The following GTF3C3 variants were observed in gnomAD, a reference collection of about 807,000 sequenced individuals.
The protein encoded by GTF3C3 is general transcription factor 3C polypeptide 3.
Under a neutral mutation model 105.2 loss-of-function variants are expected in GTF3C3, and 75 were observed. The observed-to-expected ratio is 0.71, with a 90% confidence interval of 0.59 to 0.86. The LOEUF (loss-of-function observed/expected upper bound fraction) is 0.86, where lower values mean the gene tolerates loss of function less well. Among genes scored for constraint, GTF3C3 ranks in the 40% least tolerant of loss-of-function variants. The pLI, the probability that GTF3C3 is intolerant of heterozygous loss-of-function variation, is 0.00. For synonymous variants in GTF3C3, 335 were observed against 370.4 expected (o/e 0.90, Z 1.10); for missense variants, 856 against 1,076.5 (o/e 0.80, Z 2.87).
chr2:196,780,281 C>G, intron 9 of GTF3C3: 1 of 1,015,698 alleles, frequency 9.8e-7, no homozygotes, highest in Non-Finnish European at 1.2e-6. Context: ...AGAATTATTA[C>G]CAATTATCTA....
chr2:196,790,697 T>C (rs1699531116), intron 4 of GTF3C3, among the ~76,000 whole-genome samples: 1 of 152,186 alleles, frequency 6.6e-6, no homozygotes. Context: ...AGCAGTAGCC[T>C]CAAATTACCC....
At chr2:196,788,313 G>A (rs762149332) in intron 6 of GTF3C3, among the ~76,000 whole-genome samples, 6 of 152,202 alleles carry the variant, frequency 3.9e-5, no homozygotes, top group Non-Finnish European at 5.9e-5. Flanking sequence ...GTTACTCCTA[G>A]AACAAAATAT....
rs928284014 is a variant in GTF3C3, at chr2:196,775,197, T to G, written c.1750A>C (p.Arg584=). The G allele has an allele frequency of 7.4e-6, 12 of 1,612,030 alleles. No homozygotes were observed. Among genetic ancestry groups the G allele is most frequent in the Non-Finnish European group, 1.0e-5 (12 of 1,178,608 alleles). ...GATACTTTAATAAGATAAAGATGCC[T>G]CTCTCCAGACTTGGAACTGGATATC... ...CLISSSKSGE[R]HLYLIKVSRD... The change falls in exon 13 of 18, where the codon AGG becomes CGG. Residue 584 remains arginine (R), a synonymous_variant. Coordinates refer to ENST00000263956, the MANE Select transcript of GTF3C3 (RefSeq NM_012086.5).
At chr2:196,781,353 A>ATATATATAT (rs1376220822) in intron 8 of GTF3C3, among the ~76,000 whole-genome samples, 93 of 23,064 alleles carry the variant, frequency 4.0e-3, no homozygotes, top group Non-Finnish European at 8.8e-3. Context: ...AAAAAAAAAA[A>ATATATATAT]AAAAATATAT....
At position 196,798,540 on chromosome 2, in the gene GTF3C3, A is replaced by G. The variant is rs1455990686; in HGVS notation, c.103-632T>C. ...CTCTGTCTGAAAATAAAATAAAATA[A>G]AATAAATAAAAAGATAAGTCCCTAC... is the stretch of plus-strand genomic sequence containing the variant. On this transcript the variant is annotated intron_variant, in intron 1 of 17. Transcript: ENST00000263956. 1.3e-5 allele frequency among the ~76,000 whole-genome samples: 2 copies of G among 151,756 alleles called. 1 individual carries two copies. Among genetic ancestry groups the G allele is most frequent in the Non-Finnish European group, 2.9e-5 (2 of 67,968 alleles).
intron 1 of GTF3C3, 123 bp downstream of exon 1, chr2:196,799,387 G>A (rs1699706719): frequency 1.4e-6 from 1 of 708,472 alleles, no homozygotes; most frequent in Non-Finnish European, 2.5e-6. Context: ...TGTAAGATAA[G>A]GAAGAAGCTG....
At chr2:196,771,588 AATT>A (rs1453120535) in intron 15 of GTF3C3, among the ~76,000 whole-genome samples, 157 bp downstream of exon 15, 1 of 152,240 alleles carries the variant, frequency 6.6e-6, no homozygotes, top group Non-Finnish European at 1.5e-5. Context: ...AAGTAGGTCC[AATT>A]ATTATCTCCA....
intron 13 of GTF3C3, chr2:196,773,646 A>G (rs1469742125): frequency 4.7e-6 from 2 of 427,978 alleles, no homozygotes; most frequent in Non-Finnish European, 9.4e-6. Flanking sequence ...TGTAATATAT[A>G]ATGAAATAAT....
Position 196,778,923 on chromosome 2 carries a change from G to A in GTF3C3, c.1363C>T (p.Leu455Phe). The change falls in exon 10 of 18, where the codon CTT (leucine) becomes TTT (phenylalanine). Residue 455 changes from leucine to phenylalanine, a missense_variant. By Grantham distance (22) the Leu-to-Phe change is conservative. Around this residue, in one of 3 missense-constraint regions of GTF3C3, gnomAD observed 605 missense variants for 833.6 expected, o/e 0.73. Coordinates refer to ENST00000263956, the MANE Select transcript of GTF3C3 (RefSeq NM_012086.5). ...SALVCSERYN[L>F]AVVWLRHAEC... ...GCATGACGAAGCCAAACTACTGCAA[G>A]GTTGTATCTTTCAGAGCAAACAAGA... 1.2e-6 allele frequency: 2 copies of A among 1,614,052 alleles called. No individual in the cohort carries two copies. Among genetic ancestry groups the A allele is most frequent in the Non-Finnish European group, 1.7e-6 (2 of 1,179,950 alleles).
chr2:196,784,889 G>GTT lies in GTF3C3; in HGVS notation c.1080_1081dup (p.Thr361LysfsTer27). ...CTCTTCTGAGGTGCCTTCTTCTGAAGTTTTTTTTTCCAGCACAATTCCAGA... is the reference window on the plus strand; with the variant it reads ...CTCTTCTGAGGTGCCTTCTTCTGAAGTTTTTTTTTTTCCAGCACAATTCCAGA... On this transcript the variant is annotated frameshift_variant, in exon 8 of 18. Coordinates refer to ENST00000263956, the MANE Select transcript of GTF3C3 (RefSeq NM_012086.5). LOFTEE classifies it high-confidence loss of function. The GTT allele has an allele frequency of 1.3e-6, 2 of 1,593,184 alleles. No homozygotes were observed. The highest frequency in any genetic ancestry group is 1.7e-6 in the Non-Finnish European group (2 of 1,165,404).
At chr2:196,770,163 C>T in intron 15 of GTF3C3, 124 bp from the exon 16 acceptor site, 1 of 691,886 alleles carries the variant, frequency 1.4e-6, no homozygotes, top group Non-Finnish European at 2.2e-6. Flanking sequence ...TCTTAAATAG[C>T]AACCAGAGAC....
chr2:196,789,856 A>G lies in GTF3C3; in HGVS notation c.727+23T>C, dbSNP rs1031950286. ...ATTATGTAACAGCTTGTAAAAGTGA[A>G]AAAAAAAAAAAATTTTAATTACCTT... On this transcript the variant is annotated intron_variant, in intron 5 of 17. Coordinates refer to ENST00000263956, the MANE Select transcript of GTF3C3 (RefSeq NM_012086.5). 4 of 1,340,512 alleles carry G rather than the reference A, an allele frequency of 3.0e-6. No homozygotes were observed. The African/African-American group carries it at 5.1e-5, about 17-fold the overall frequency. 83.0% of individuals were successfully genotyped at this position (1,340,512 alleles called of 1,614,324 possible). A position where few individuals can be genotyped will look rare whatever the true frequency, so the allele number is the denominator to read the frequency against.
rs950625506 is a variant in GTF3C3 at position 196,791,006 on chromosome 2, C to G, written c.535+331G>C. ...AAAAATAGAGTAACATAATCTAGTA[C>G]TGCATGATCTAGAAAAGAAAAGGAA... On this transcript the variant is annotated intron_variant, in intron 4 of 17. Transcript: ENST00000263956. Among the ~76,000 whole-genome samples, 4 of 151,886 alleles carry G rather than the reference C, an allele frequency of 2.6e-5. No homozygotes were observed. The South Asian group carries it at 8.3e-4, about 31-fold the overall frequency.
chr2:196,776,535 T>G lies in GTF3C3; in HGVS notation c.1485A>C (p.Ser495=). 1.2e-6 allele frequency: 2 copies of G among 1,614,158 alleles called. No individual in the cohort carries two copies. Among genetic ancestry groups the G allele is most frequent in the East Asian group, 4.5e-5 (2 of 44,882 alleles). The change falls in exon 11 of 18, where the codon TCA becomes TCC. Residue 495 remains serine, a synonymous_variant. Transcript: ENST00000263956. This position sits in a 1 kb window ranked among gnomAD's most constrained non-coding sequence, Gnocchi z 4.5. ...LAPLHLDARI[S]LSTLQQQLGQ... is the part of the protein sequence containing the mutation. ...CCAGCTGCTGCTGAAGGGTAGAAAGTGAAATCCTTGCATCCAAATGGAGTG... is the reference window on the plus strand; with the variant it reads ...CCAGCTGCTGCTGAAGGGTAGAAAGGGAAATCCTTGCATCCAAATGGAGTG...
At chr2:196,774,695 A>T (rs1044002643) in intron 13 of GTF3C3, among the ~76,000 whole-genome samples, 2 of 152,236 alleles carry the variant, frequency 1.3e-5, no homozygotes, top group African/African-American at 4.8e-5. Flanking sequence ...ATATTACTTG[A>T]GACTAGGTCA....
In GTF3C3 at chr2:196,792,955, CT is replaced by C; in HGVS notation, c.411del (p.Glu138ArgfsTer12). 3 of 1,600,060 alleles carry C rather than the reference CT, an allele frequency of 1.9e-6. No individual in the cohort carries two copies. The highest frequency in any genetic ancestry group is 2.6e-6 in the Non-Finnish European group (3 of 1,168,978). ...AAATACCAAAATAAGTAAAAATTTA[CT>C]TTCATCATTTTCTTGGTTTCACGAT... ...VLNRETKKMM[K>X]EKRPRSKLPR... On this transcript the variant is annotated frameshift_variant and splice_region_variant, in exon 3 of 18. Coordinates refer to ENST00000263956, the MANE Select transcript of GTF3C3 (RefSeq NM_012086.5). LOFTEE classifies it high-confidence loss of function.
intron 13 of GTF3C3, among the ~76,000 whole-genome samples, chr2:196,774,329 A>G (rs1285037569): frequency 6.6e-6 from 1 of 152,260 alleles, no homozygotes; most frequent in Non-Finnish European, 1.5e-5. Flanking sequence ...TTATGGAACC[A>G]CTATCCAATG....
chr2:196,766,955 A>G, intron 16 of GTF3C3: 1 of 309,520 alleles, frequency 3.2e-6, no homozygotes, highest in Non-Finnish European at 5.9e-6. Context: ...GCCAAATGTT[A>G]CAAGTAGTTA....
chr2:196,788,859 G>A (rs1330233368), intron 6 of GTF3C3, among the ~76,000 whole-genome samples: 1 of 152,088 alleles, frequency 6.6e-6, no homozygotes, highest in African/African-American at 2.4e-5. Flanking sequence ...GAGGTCAGGA[G>A]TTCGAGACCA....
Sources: allele counts gnomAD v4.1 joint callset (sites outside exome capture counted in the v4.1 genomes callset), GRCh38; gene constraint gnomAD v4.1.1; regional missense constraint gnomAD v4.1.1; non-coding constraint Gnocchi (gnomAD v3.1); transcripts MANE v1.5; gene names NCBI Gene and HGNC (gene_info 2026-07-23, HGNC 2026-07-21).